Variants in DCLK1 observed in about 807,000 individuals in gnomAD.
The protein encoded by DCLK1 is serine/threonine-protein kinase DCLK1.
In DCLK1, 16 loss-of-function variants were observed where a neutral mutation model predicts 86.2. The ratio of observed to expected loss-of-function variants is 0.19; its 90% CI spans 0.13 to 0.28. The LOEUF (loss-of-function observed/expected upper bound fraction) is 0.28, where lower values mean the gene tolerates loss of function less well. Ranked by LOEUF, DCLK1 falls within the 10% of genes least tolerant of loss-of-function variation. The pLI is 1.00. For synonymous variants in DCLK1, 369 were observed against 370.5 expected (o/e 1.00, Z 0.05); for missense variants, 590 against 940.2 (o/e 0.63, Z 4.87).
chr13:36,127,578 A>G (rs1163017896), intron 1 of DCLK1, among the ~76,000 whole-genome samples: 3 of 152,246 alleles, frequency 2.0e-5, no homozygotes, highest in South Asian at 2.1e-4. Flanking sequence ...ATTCATGCAC[A>G]TGAAGTTCTT....
intron 4 of DCLK1, among the ~76,000 whole-genome samples, chr13:35,932,543 A>T (rs1360916623): frequency 6.6e-6 from 1 of 152,224 alleles, no homozygotes; most frequent in South Asian, 2.1e-4. Flanking sequence ...GAAGCCTCAC[A>T]ATCATGGCAG....
chr13:35,856,001 C>T, intron 5 of DCLK1: 1 of 393,024 alleles, frequency 2.5e-6, no homozygotes, highest in Non-Finnish European at 3.5e-6. Flanking sequence ...ATTTTTCGCA[C>T]TTGATGTTTT....
At chr13:35,958,762 G>C (rs528246581) in intron 3 of DCLK1, among the ~76,000 whole-genome samples, 1 of 152,192 alleles carries the variant, frequency 6.6e-6, no homozygotes, top group East Asian at 1.9e-4. Context: ...ATTATTTTAG[G>C]AATAAATTTA....
chr13:36,086,024 C>A (rs930665584), intron 3 of DCLK1, among the ~76,000 whole-genome samples: 2 of 152,198 alleles, frequency 1.3e-5, no homozygotes, highest in African/African-American at 4.8e-5. Context: ...TTGTGGCACT[C>A]ACCACAGGGT....
chr13:35,789,986 C>G (rs1056915340), intron 16 of DCLK1, among the ~76,000 whole-genome samples: 18 of 152,066 alleles, frequency 1.2e-4, no homozygotes, highest in African/African-American at 3.9e-4. Context: ...GAATGCAATG[C>G]CTTCCACCTA....
chr13:36,093,799 A>G (rs1004451009), intron 3 of DCLK1, among the ~76,000 whole-genome samples: 2 of 152,180 alleles, frequency 1.3e-5, no homozygotes, highest in African/African-American at 4.8e-5. Flanking sequence ...GAAATACATT[A>G]ATAGAGCTTA....
At position 36,126,187 on chromosome 13, in the gene DCLK1, C is replaced by T. The variant is rs371810342; in HGVS notation, c.-19-31G>A. On this transcript the variant is annotated intron_variant, in intron 1 of 16. Transcript: ENST00000360631. Reference sequence around the variant, plus strand: ...AGCCCCAGAAACAAAAGCAGACACACATATTGATGTAGGTTATATATATAT... The same window carrying T: ...AGCCCCAGAAACAAAAGCAGACACATATATTGATGTAGGTTATATATATAT... 3.3e-6 allele frequency: 5 copies of T among 1,514,066 alleles called. No homozygotes were observed. The South Asian group carries it at 6.5e-5, about 20-fold the overall frequency. The allele number at this position is 1,514,066 out of a possible 1,614,324, so 93.8% of individuals were successfully genotyped here.
intron 4 of DCLK1, among the ~76,000 whole-genome samples, chr13:35,887,212 G>A (rs962244758): frequency 1.3e-5 from 2 of 152,230 alleles, no homozygotes; most frequent in Non-Finnish European, 2.9e-5. Flanking sequence ...GGTGATCTAA[G>A]TGCCACAGGT....
chr13:36,098,950 T>C (rs893426611), intron 3 of DCLK1, among the ~76,000 whole-genome samples: 2 of 151,502 alleles, frequency 1.3e-5, no homozygotes, highest in Admixed American at 6.6e-5. Flanking sequence ...TACACAAAAG[T>C]AGGCTTTTAA....
chr13:36,127,182 A>T (rs1235785503), intron 1 of DCLK1, among the ~76,000 whole-genome samples: 2 of 152,244 alleles, frequency 1.3e-5, no homozygotes, highest in African/African-American at 4.8e-5. Flanking sequence ...TGTAGGTTGG[A>T]CCAACTTAAA....
At position 35,878,681 on chromosome 13, in the gene DCLK1, G is replaced by T. The variant is rs183677006; in HGVS notation, c.824-7341C>A. On this transcript the variant is annotated intron_variant, in intron 4 of 16. Transcript: ENST00000360631. ...AGTATAATTGGAATAAATGTTTGAG[G>T]TGATGGATACCCCATTTACCCTGAT... Among the ~76,000 whole-genome samples, 12 of 152,142 alleles carry T rather than the reference G, an allele frequency of 7.9e-5. 1 individual carries two copies. Among genetic ancestry groups the T allele is most frequent in the African/African-American group, 2.7e-4 (11 of 41,500 alleles).
At chr13:35,844,169 A>T (rs377449673) in intron 6 of DCLK1, among the ~76,000 whole-genome samples, 11 of 152,358 alleles carry the variant, frequency 7.2e-5, no homozygotes, top group African/African-American at 2.4e-4. Flanking sequence ...AATAAAGTTT[A>T]TGGCACAGAT....
intron 5 of DCLK1, 108 bp downstream of exon 5, chr13:35,871,116 C>T (rs1258141184): frequency 1.0e-5 from 9 of 860,906 alleles, no homozygotes; most frequent in Admixed American, 2.3e-5. Flanking sequence ...AATTATAAAC[C>T]GGAACCTACA....
At chr13:35,998,610 C>T (rs1880577642) in intron 3 of DCLK1, among the ~76,000 whole-genome samples, 1 of 152,186 alleles carries the variant, frequency 6.6e-6, no homozygotes. Flanking sequence ...TTCCCTCTCT[C>T]CTTATCCGTT....
At chr13:35,855,499 A>G (rs769036316) in intron 5 of DCLK1, 1 of 1,604,618 alleles carries the variant, frequency 6.2e-7, no homozygotes, top group South Asian at 1.1e-5. Context: ...GCAGCAATGC[A>G]TTTCACTTAC....
chr13:35,807,986 A>G (rs2087063633), intron 14 of DCLK1, among the ~76,000 whole-genome samples: 1 of 152,212 alleles, frequency 6.6e-6, no homozygotes, highest in African/African-American at 2.4e-5. Context: ...ATGTCACTGG[A>G]ATGGCACCTG....
intron 12 of DCLK1, among the ~76,000 whole-genome samples, chr13:35,810,012 G>T (rs1240038838): frequency 1.3e-5 from 2 of 152,136 alleles, no homozygotes; most frequent in Non-Finnish European, 2.9e-5. Context: ...CCTCCCCTCA[G>T]TGCCCCACCC....
At chr13:35,804,085 A>G (rs2086977447) in intron 15 of DCLK1, among the ~76,000 whole-genome samples, 1 of 152,224 alleles carries the variant, frequency 6.6e-6, no homozygotes. Context: ...TACTTCTGGC[A>G]GACTCTAGAA....
intron 15 of DCLK1, among the ~76,000 whole-genome samples, chr13:35,800,293 T>A (rs1248806668): frequency 1.3e-5 from 2 of 152,236 alleles, no homozygotes; most frequent in South Asian, 2.1e-4. Context: ...CCTTTTCCCA[T>A]CCTTATAGCA....
Sources: allele counts gnomAD v4.1 joint callset (sites outside exome capture counted in the v4.1 genomes callset), GRCh38; gene constraint gnomAD v4.1.1; transcripts MANE v1.5; gene names NCBI Gene and HGNC (gene_info 2026-07-23, HGNC 2026-07-21).